The following LCLAT1 variants were observed in gnomAD, a reference collection of about 807,000 sequenced individuals.
LCLAT1 encodes lysocardiolipin acyltransferase 1, also known as 1-AGP acyltransferase 8.
Under a neutral mutation model 30.7 loss-of-function variants are expected in LCLAT1, and 11 were observed. That is an observed-to-expected ratio of 0.36 (90% CI 0.23 to 0.59). The LOEUF (loss-of-function observed/expected upper bound fraction) is 0.59, where lower values mean the gene tolerates loss of function less well. LCLAT1 is among the 20% of genes least tolerant of loss of function. The pLI, the probability that LCLAT1 is intolerant of heterozygous loss-of-function variation, is 0.77. For missense variants in LCLAT1, 402 were observed against 458.6 expected (o/e 0.88, Z 1.13); for synonymous variants, 155 against 151.3 (o/e 1.02, Z -0.18).
At chr2:30,447,805 C>T (rs1323430362) in intron 1 of LCLAT1, among the ~76,000 whole-genome samples, 1 of 152,224 alleles carries the variant, frequency 6.6e-6, no homozygotes, top group Non-Finnish European at 1.5e-5. Flanking sequence ...AAATCCCATG[C>T]ACTAAAACGT....
intron 1 of LCLAT1, among the ~76,000 whole-genome samples, chr2:30,473,827 T>C (rs1682916814): frequency 6.6e-6 from 1 of 152,182 alleles, no homozygotes; most frequent in Admixed American, 6.5e-5. Flanking sequence ...TGAAACCTGG[T>C]TTCCTAGTTT....
intron 1 of LCLAT1, among the ~76,000 whole-genome samples, chr2:30,520,215 C>T (rs563207625): frequency 8.5e-5 from 13 of 152,216 alleles, no homozygotes; most frequent in Admixed American, 4.6e-4. Flanking sequence ...ATCTTGGGAG[C>T]GGCCCACCAC....
At position 30,471,006 on chromosome 2, in the gene LCLAT1, C is replaced by T. The variant is rs183015418; in HGVS notation, c.-5+23623C>T. ...TTGGCTCACTGCAACCTCTGCCTCCCGGATTCAAGCAATTCTCTGCCTCAG... is the reference window on the plus strand; with the variant it reads ...TTGGCTCACTGCAACCTCTGCCTCCTGGATTCAAGCAATTCTCTGCCTCAG... On this transcript the variant is annotated intron_variant, in intron 1 of 5. Coordinates refer to ENST00000379509, the MANE Select transcript of LCLAT1 (RefSeq NM_001002257.3). Among the ~76,000 whole-genome samples, 1,314 of 150,560 alleles carry T rather than the reference C, an allele frequency of 8.7e-3. 15 individuals are homozygous for T. The highest frequency in any genetic ancestry group is 0.03 in the African/African-American group (1,214 of 40,934).
intron 3 of LCLAT1, among the ~76,000 whole-genome samples, chr2:30,556,356 C>G (rs1340103983): frequency 6.6e-6 from 1 of 152,034 alleles, no homozygotes; most frequent in Non-Finnish European, 1.5e-5. Flanking sequence ...GGATTTGGTC[C>G]ATGGGCCATA....
chr2:30,629,541 CAA>C (rs963190671), intron 5 of LCLAT1, among the ~76,000 whole-genome samples: 28 of 152,184 alleles, frequency 1.8e-4, no homozygotes, highest in African/African-American at 6.7e-4. Context: ...GCCTGGGCAA[CAA>C]GAGCAAAACT....
At chr2:30,521,692 A>G (rs1247345954) in intron 1 of LCLAT1, among the ~76,000 whole-genome samples, 1 of 151,464 alleles carries the variant, frequency 6.6e-6, no homozygotes, top group Non-Finnish European at 1.5e-5. Context: ...TTTTTAGTAG[A>G]GATGGGGTTT....
intron 1 of LCLAT1, among the ~76,000 whole-genome samples, chr2:30,475,062 A>G (rs1419437461): frequency 6.6e-6 from 1 of 151,964 alleles, no homozygotes; most frequent in African/African-American, 2.4e-5. Context: ...CAGTGGCACA[A>G]TCATAGCTCA....
intron 1 of LCLAT1, among the ~76,000 whole-genome samples, chr2:30,510,352 AC>A (rs1684880723): frequency 6.6e-6 from 1 of 152,298 alleles, no homozygotes; most frequent in South Asian, 2.1e-4. Context: ...AACACTTGCT[AC>A]AGGGACGGGT....
intron 1 of LCLAT1, chr2:30,489,212 G>T (rs553400345): frequency 1.8e-4 from 27 of 152,298 alleles, no homozygotes; most frequent in African/African-American, 5.5e-4. Context: ...ATACAAGTGA[G>T]TGGGCTTGGA....
intron 3 of LCLAT1, among the ~76,000 whole-genome samples, chr2:30,540,826 G>A (rs374213016): frequency 9.9e-5 from 15 of 151,730 alleles, no homozygotes; most frequent in South Asian, 8.3e-4. Flanking sequence ...CACCACGCCC[G>A]GCTACTTTTT....
At chr2:30,616,612 G>A (rs950784333) in intron 5 of LCLAT1, among the ~76,000 whole-genome samples, 1 of 152,012 alleles carries the variant, frequency 6.6e-6, no homozygotes, top group Non-Finnish European at 1.5e-5. Context: ...CTAGATAGTA[G>A]CAAGAAAACA....
intron 5 of LCLAT1, among the ~76,000 whole-genome samples, chr2:30,598,223 C>G (rs762947070): frequency 1.3e-5 from 2 of 152,094 alleles, no homozygotes; most frequent in African/African-American, 2.4e-5. Context: ...ATGGTACCAG[C>G]TCCTTTTTGT....
chr2:30,569,481 C>G (rs1665675131), intron 5 of LCLAT1, among the ~76,000 whole-genome samples: 1 of 152,182 alleles, frequency 6.6e-6, no homozygotes, highest in Non-Finnish European at 1.5e-5. Flanking sequence ...ACTCTGATTT[C>G]CAGTAAGCCA....
intron 2 of LCLAT1, among the ~76,000 whole-genome samples, chr2:30,529,256 A>G (rs192835541): frequency 1.6e-4 from 24 of 152,266 alleles, no homozygotes; most frequent in African/African-American, 5.8e-4. Flanking sequence ...TGTTGGCAAG[A>G]TTTTTCTTGT....
At chr2:30,579,668 G>A (rs190235220) in intron 5 of LCLAT1, among the ~76,000 whole-genome samples, 7 of 152,198 alleles carry the variant, frequency 4.6e-5, no homozygotes, top group African/African-American at 1.4e-4. Flanking sequence ...ACTCAGCAGT[G>A]GAGACCAGCC....
chr2:30,473,142 A>G (rs1401377722), intron 1 of LCLAT1, among the ~76,000 whole-genome samples: 1 of 152,204 alleles, frequency 6.6e-6, no homozygotes, highest in East Asian at 1.9e-4. Flanking sequence ...CATTATGTGT[A>G]TAGGAAAATT....
chr2:30,508,519 C>T (rs1684781614), intron 1 of LCLAT1, among the ~76,000 whole-genome samples: 1 of 152,094 alleles, frequency 6.6e-6, no homozygotes, highest in Non-Finnish European at 1.5e-5. Flanking sequence ...GTCCTTTCCC[C>T]ATTGCTTGTT....
At chr2:30,598,102 C>A (rs933324121) in intron 5 of LCLAT1, among the ~76,000 whole-genome samples, 1 of 152,030 alleles carries the variant, frequency 6.6e-6, no homozygotes, top group Non-Finnish European at 1.5e-5. Context: ...CTGAAGTTTT[C>A]TTTTTTTGAT....
At chr2:30,622,174 C>T (rs553268622) in intron 5 of LCLAT1, among the ~76,000 whole-genome samples, 1 of 152,110 alleles carries the variant, frequency 6.6e-6, no homozygotes, top group African/African-American at 2.4e-5. Context: ...ACAGCAGAGG[C>T]AGCCATAATC....
Sources: allele counts gnomAD v4.1 joint callset (sites outside exome capture counted in the v4.1 genomes callset), GRCh38; gene constraint gnomAD v4.1.1; transcripts MANE v1.5; gene names NCBI Gene and HGNC (gene_info 2026-07-23, HGNC 2026-07-21).